Variants in PDGFD observed in about 807,000 individuals in gnomAD.
PDGFD encodes the protein platelet derived growth factor D, also known as platelet-derived growth factor D.
Under a neutral mutation model 44.7 loss-of-function variants are expected in PDGFD, and 30 were observed. That is an observed-to-expected ratio of 0.67 (90% CI 0.50 to 0.91). PDGFD has a LOEUF of 0.91. Ranked by LOEUF, PDGFD falls within the 40% of genes least tolerant of loss-of-function variation. PDGFD has a pLI of 0.00. For missense variants in PDGFD, 445 were observed against 457.8 expected, an observed-to-expected ratio of 0.97 and a Z score of 0.25; for synonymous variants, 173 against 168.4, an observed-to-expected ratio of 1.03 and a Z score of -0.21.
At chr11:104,090,492 G>A (rs943034304) in intron 1 of PDGFD, among the ~76,000 whole-genome samples, 4 of 151,460 alleles carry the variant, frequency 2.6e-5, no homozygotes, top group Non-Finnish European at 2.9e-5. Context: ...AGCCAGGTGC[G>A]GTGGTGGGTG....
intron 1 of PDGFD, among the ~76,000 whole-genome samples, chr11:104,003,912 C>G (rs1472429740): frequency 6.6e-6 from 1 of 152,062 alleles, no homozygotes; most frequent in African/African-American, 2.4e-5. Flanking sequence ...GGGAAGGAAG[C>G]TGTGTGTAAG....
chr11:103,929,728 G>T (rs1335601993), intron 5 of PDGFD, among the ~76,000 whole-genome samples: 1 of 152,208 alleles, frequency 6.6e-6, no homozygotes, highest in Admixed American at 6.5e-5. Flanking sequence ...CTGACTGGAT[G>T]CAAATAACTT....
chr11:103,997,281 C>T (rs1376075512), intron 2 of PDGFD, among the ~76,000 whole-genome samples: 5 of 152,162 alleles, frequency 3.3e-5, no homozygotes, highest in Non-Finnish European at 7.4e-5. Context: ...ATCCATATTA[C>T]AGTTTTCTGT....
intron 3 of PDGFD, among the ~76,000 whole-genome samples, chr11:103,958,144 C>G (rs556227053): frequency 6.6e-6 from 1 of 152,040 alleles, no homozygotes; most frequent in East Asian, 1.9e-4. Flanking sequence ...AAATACTTTC[C>G]ATAAATTATC....
At chr11:104,014,326 T>C (rs1859828569) in intron 1 of PDGFD, among the ~76,000 whole-genome samples, 1 of 152,116 alleles carries the variant, frequency 6.6e-6, no homozygotes, top group Non-Finnish European at 1.5e-5. Flanking sequence ...AGAGACCCCA[T>C]GTCTACTAAA....
chr11:103,999,034 T>G (rs890038189), intron 2 of PDGFD, among the ~76,000 whole-genome samples: 3 of 152,188 alleles, frequency 2.0e-5, no homozygotes, highest in African/African-American at 7.2e-5. Context: ...ATTAGTTTAT[T>G]CTCTTTGTAA....
rs1248058163 is a variant in PDGFD at position 104,033,809 on chromosome 11, C to T, written c.125-33554G>A. Among the ~76,000 whole-genome samples the T allele has an allele frequency of 3.9e-5, 6 of 152,270 alleles. No individual in the cohort carries two copies. In the East Asian group the frequency reaches 1.2e-3, roughly 29 times the overall value. ...GCAGAGTAGTTTGCATGTGACATCT[C>T]ACATGATAATTGTTTCCAAACTCAG... On this transcript the variant is annotated intron_variant, in intron 1 of 6. Transcript: ENST00000393158.
chr11:104,048,494 G>A (rs9326345), intron 1 of PDGFD, among the ~76,000 whole-genome samples: 55,556 of 151,876 alleles, frequency 0.37, 10,738 homozygotes, highest in Admixed American at 0.44. Context: ...CTCTCCATGT[G>A]AATGAAAATG....
intron 1 of PDGFD, among the ~76,000 whole-genome samples, chr11:104,072,406 ATAT>A (rs1288665494): frequency 2.0e-5 from 3 of 151,822 alleles, no homozygotes; most frequent in African/African-American, 2.4e-5. Flanking sequence ...GTATAATAAG[ATAT>A]TATTTTATGG....
intron 6 of PDGFD, among the ~76,000 whole-genome samples, chr11:103,911,340 TG>T (rs1858025998): frequency 6.6e-6 from 1 of 152,156 alleles, no homozygotes; most frequent in Non-Finnish European, 1.5e-5. Context: ...AGACAGGGTC[TG>T]GAGTGGACCT....
At chr11:104,016,986 T>C (rs1357159166) in intron 1 of PDGFD, among the ~76,000 whole-genome samples, 1 of 152,196 alleles carries the variant, frequency 6.6e-6, no homozygotes, top group Non-Finnish European at 1.5e-5. Flanking sequence ...AATTCACATG[T>C]TGAAATTCTA....
chr11:103,948,613 C>G (rs1858695882), intron 3 of PDGFD, among the ~76,000 whole-genome samples: 1 of 152,140 alleles, frequency 6.6e-6, no homozygotes, highest in Admixed American at 6.5e-5. Context: ...ATTTTCCAGC[C>G]TTACCGAGGA....
Position 104,036,919 on chromosome 11 carries a change from C to T in PDGFD, c.125-36664G>A, listed in dbSNP as rs1346231127. ...CTTTGAGCTCCGAAACTTCAAGGTC[C>T]TCTGCGAAGCGGAGTCCAGAGTCCC... On this transcript the variant is annotated intron_variant, in intron 1 of 6. Transcript: ENST00000393158. 4 of 1,614,092 alleles carry T rather than the reference C, an allele frequency of 2.5e-6. No homozygotes were observed. Among genetic ancestry groups the T allele is most frequent in the Admixed American group, 1.7e-5 (1 of 60,014 alleles).
chr11:104,013,941 T>C (rs1859823031), intron 1 of PDGFD, among the ~76,000 whole-genome samples: 3 of 152,020 alleles, frequency 2.0e-5, no homozygotes, highest in African/African-American at 7.2e-5. Flanking sequence ...TTGATCTTTG[T>C]CAGAATTCAT....
At chr11:103,979,940 C>T (rs1812372284) in intron 3 of PDGFD, among the ~76,000 whole-genome samples, 1 of 152,100 alleles carries the variant, frequency 6.6e-6, no homozygotes, top group Non-Finnish European at 1.5e-5. Context: ...CACTGGCCCG[C>T]AATCTTAAAT....
chr11:104,042,178 G>A (rs1288858319), intron 1 of PDGFD, among the ~76,000 whole-genome samples: 11 of 152,192 alleles, frequency 7.2e-5, no homozygotes, highest in Admixed American at 2.0e-4. Flanking sequence ...CTTAGGTACC[G>A]ATTTATATGG....
intron 1 of PDGFD, among the ~76,000 whole-genome samples, chr11:104,018,419 T>A (rs1369140435): frequency 6.6e-6 from 1 of 152,216 alleles, no homozygotes; most frequent in East Asian, 1.9e-4. Flanking sequence ...GTTAGATTTA[T>A]GTCTTCTGTC....
intron 3 of PDGFD, among the ~76,000 whole-genome samples, chr11:103,985,068 T>G (rs1484717668): frequency 1.0e-5 from 1 of 97,340 alleles, no homozygotes; most frequent in Non-Finnish European, 2.1e-5. Context: ...ATTAATTTAT[T>G]TAATAGTTAT....
At chr11:103,995,810 A>G (rs76184031) in intron 3 of PDGFD, among the ~76,000 whole-genome samples, 2,328 of 152,308 alleles carry the variant, frequency 0.015, 52 homozygotes, top group African/African-American at 0.052. Context: ...TATCAGCTTT[A>G]CCTTAAAGAT....
Sources: gnomAD v4.1 joint callset for allele counts (sites outside exome capture counted in the v4.1 genomes callset) on GRCh38, gnomAD v4.1.1 for gene constraint, MANE v1.5 for transcripts, NCBI Gene and HGNC (gene_info 2026-07-23, HGNC 2026-07-21) for gene names.